Variants in HS3ST3B1 observed in about 807,000 individuals in gnomAD.
HS3ST3B1 encodes heparan sulfate-glucosamine 3-sulfotransferase 3B1, also known as heparan sulfate glucosamine 3-O-sulfotransferase 3B1.
In HS3ST3B1, 13 loss-of-function variants were observed where a neutral mutation model predicts 21.3. The ratio of observed to expected loss-of-function variants is 0.61; its 90% CI spans 0.40 to 0.97. The LOEUF (loss-of-function observed/expected upper bound fraction) is 0.97, where lower values mean the gene tolerates loss of function less well. Among genes scored for constraint, HS3ST3B1 ranks in the 50% least tolerant of loss-of-function variants. HS3ST3B1 has a pLI of 0.00. For missense variants in HS3ST3B1, 459 were observed against 554.8 expected (o/e 0.83, Z 1.73); for synonymous variants, 234 against 254.8 (o/e 0.92, Z 0.78).
chr17:14,343,331 A>G (rs1910448323), intron 1 of HS3ST3B1, among the ~76,000 whole-genome samples: 2 of 152,160 alleles, frequency 1.3e-5, no homozygotes, highest in African/African-American at 4.8e-5. Flanking sequence ...TGTGTGTGGT[A>G]AGAAACTGGA....
intron 1 of HS3ST3B1, among the ~76,000 whole-genome samples, chr17:14,333,963 T>C (rs1453086372): frequency 6.6e-6 from 1 of 152,190 alleles, no homozygotes; most frequent in Non-Finnish European, 1.5e-5. Context: ...TTTCTTCATG[T>C]TGGTCAGGCT....
chr17:14,325,432 C>T (rs1312385117), intron 1 of HS3ST3B1, among the ~76,000 whole-genome samples: 2 of 152,228 alleles, frequency 1.3e-5, no homozygotes, highest in East Asian at 3.8e-4. Context: ...GAGAAACTGA[C>T]TTCTTCCACT....
chr17:14,325,299 A>G (rs1376439459), intron 1 of HS3ST3B1, among the ~76,000 whole-genome samples: 1 of 152,224 alleles, frequency 6.6e-6, no homozygotes, highest in Non-Finnish European at 1.5e-5. Context: ...AAGGTATACA[A>G]TGAGTGTGTT....
At chr17:14,345,004 G>C (rs771505496) in intron 1 of HS3ST3B1, 24 bp from the exon 2 acceptor site, 1 of 1,603,582 alleles carries the variant, frequency 6.2e-7, no homozygotes, top group South Asian at 1.1e-5. Flanking sequence ...TTCTGATCCC[G>C]GTTTGTTTGC....
chr17:14,328,928 G>A (rs1909896002), intron 1 of HS3ST3B1: 2 of 152,124 alleles, frequency 1.3e-5, no homozygotes, highest in South Asian at 4.1e-4. Context: ...TATGATAACG[G>A]GGGTTTATTT....
At chr17:14,329,359 AAG>A (rs1567641238) in intron 1 of HS3ST3B1, 24 of 111,464 alleles carry the variant, frequency 2.2e-4, no homozygotes, top group African/African-American at 5.4e-4. Context: ...GAAAGAAAGA[AAG>A]AAAGAAAAGG....
In HS3ST3B1 at chr17:14,345,523, C is replaced by T. The variant is rs1697757982; in HGVS notation, c.1050C>T (p.Gly350=). The change falls in exon 2 of 2, where the codon GGC becomes GGT. Residue 350 remains glycine (G), a synonymous_variant. Transcript: ENST00000360954. ...GCAGCAGCCGGCCCCATTGCCTGGG[C>T]AAGACCAAGGGCAGGACCCATCCTG... The part of the protein sequence containing the change: ...AEGSSRPHCL[G]KTKGRTHPEI... 2 of 1,602,344 alleles carry T rather than the reference C, an allele frequency of 1.2e-6. No individual in the cohort carries two copies. The highest frequency in any genetic ancestry group is 8.5e-7 in the Non-Finnish European group (1 of 1,172,624).
chr17:14,304,189 G>A (rs957228732), intron 1 of HS3ST3B1: 12 of 152,168 alleles, frequency 7.9e-5, no homozygotes, highest in African/African-American at 2.9e-4. Flanking sequence ...GGCTTGGCTG[G>A]GCCGCGGGAG....
chr17:14,326,022 CGT>C (rs201500207), intron 1 of HS3ST3B1, among the ~76,000 whole-genome samples: 26 of 150,286 alleles, frequency 1.7e-4, no homozygotes, highest in Non-Finnish European at 3.0e-4. Flanking sequence ...TGTGTGTGTA[CGT>C]GTGTGTGTGT....
chr17:14,325,222 C>T (rs1909772115), intron 1 of HS3ST3B1, among the ~76,000 whole-genome samples: 1 of 152,208 alleles, frequency 6.6e-6, no homozygotes, highest in Non-Finnish European at 1.5e-5. Flanking sequence ...CCAAGAAGCA[C>T]ATGGTTAATC....
At chr17:14,325,926 T>C (rs1484864613) in intron 1 of HS3ST3B1, among the ~76,000 whole-genome samples, 1 of 152,218 alleles carries the variant, frequency 6.6e-6, no homozygotes, top group Non-Finnish European at 1.5e-5. Context: ...CAACTGTTTA[T>C]TTTTGCCACA....
At chr17:14,315,848 G>T (rs1489891969) in intron 1 of HS3ST3B1, among the ~76,000 whole-genome samples, 1 of 151,764 alleles carries the variant, frequency 6.6e-6, no homozygotes, top group Non-Finnish European at 1.5e-5. Context: ...AATAGGTAGA[G>T]GGTAGAAAAA....
chr17:14,330,361 T>C (rs535732438), intron 1 of HS3ST3B1, among the ~76,000 whole-genome samples: 1 of 152,280 alleles, frequency 6.6e-6, no homozygotes, highest in African/African-American at 2.4e-5. Flanking sequence ...GAACACCCTT[T>C]TAAACCAATC....
In HS3ST3B1 at chr17:14,302,059, C is replaced by G. The variant is rs571074135; in HGVS notation, c.541C>G (p.Leu181Val). The part of the protein sequence containing the change: ...HFFDRSYDKG[L>V]AWYRDLMPRT... The stretch of plus-strand genomic sequence containing the variant: ...CTTCGATCGCAGCTACGACAAGGGC[C>G]TCGCTTGGTACCGGTGAGTTTCCCT... The change falls in exon 1 of 2, where the codon CTC becomes GTC. Residue 181 changes from leucine to valine, a missense_variant. Around this residue, in one of 3 missense-constraint regions of HS3ST3B1, gnomAD observed 317 missense variants for 278.6 expected, o/e 1.14. Coordinates refer to ENST00000360954, the MANE Select transcript of HS3ST3B1 (RefSeq NM_006041.3). 7.5e-6 allele frequency: 12 copies of G among 1,602,198 alleles called. No homozygotes were observed. The African/African-American group carries it at 1.6e-4, about 21-fold the overall frequency.
chr17:14,319,852 T>C (rs73979315), intron 1 of HS3ST3B1, among the ~76,000 whole-genome samples: 3,722 of 152,052 alleles, frequency 0.024, 162 homozygotes, highest in African/African-American at 0.076. Flanking sequence ...TTAGTGGTGA[T>C]TTCTGAGATT....
At chr17:14,310,676 C>T (rs1415272558) in intron 1 of HS3ST3B1, among the ~76,000 whole-genome samples, 1 of 152,294 alleles carries the variant, frequency 6.6e-6, no homozygotes, top group Non-Finnish European at 1.5e-5. Flanking sequence ...GTGCCTTTTC[C>T]TAGCTAAGCA....
At chr17:14,319,354 G>C (rs1000300219) in intron 1 of HS3ST3B1, among the ~76,000 whole-genome samples, 7 of 152,160 alleles carry the variant, frequency 4.6e-5, no homozygotes, top group African/African-American at 1.7e-4. Flanking sequence ...TCCTCCCAGA[G>C]GAAATTGTCA....
intron 1 of HS3ST3B1, among the ~76,000 whole-genome samples, chr17:14,333,017 C>A (rs987724018): frequency 2.6e-5 from 4 of 151,718 alleles, no homozygotes; most frequent in African/African-American, 7.3e-5. Context: ...TCCAAGAAAC[C>A]AGGTGATGAG....
intron 1 of HS3ST3B1, among the ~76,000 whole-genome samples, chr17:14,323,187 T>G (rs1458867640): frequency 6.6e-6 from 1 of 152,136 alleles, no homozygotes; most frequent in African/African-American, 2.4e-5. Context: ...ATTACAGGCG[T>G]GAGCCACCGC....
Sources: allele counts gnomAD v4.1 joint callset (sites outside exome capture counted in the v4.1 genomes callset), GRCh38; gene constraint gnomAD v4.1.1; regional missense constraint gnomAD v4.1.1; transcripts MANE v1.5; gene names NCBI Gene and HGNC (gene_info 2026-07-23, HGNC 2026-07-21).